Variants in PCNX1 observed in about 807,000 individuals in gnomAD.
PCNX1 encodes pecanex 1, also known as pecanex-like protein 1.
PCNX1 carries 78 observed loss-of-function variants against 242.2 expected under a neutral mutation model. That is an observed-to-expected ratio of 0.32 (90% confidence interval 0.27 to 0.39). The LOEUF is 0.39. Ranked by LOEUF, PCNX1 falls within the 10% of genes least tolerant of loss-of-function variation. The probability of loss-of-function intolerance (pLI) is 1.00; values close to 1 mark genes in which losing one functional copy is unlikely to be tolerated. For missense variants in PCNX1, 2,581 were observed against 2,856.5 expected (o/e 0.90, Z 2.20); for synonymous variants, 1,024 against 1,032.9 (o/e 0.99, Z 0.17).
chr14:71,060,982 A>G (rs4048474), intron 26 of PCNX1, among the ~76,000 whole-genome samples: 55,634 of 151,998 alleles, frequency 0.37, 10,445 homozygotes, highest in East Asian at 0.62. Context: ...GAGTCTGTAA[A>G]TGCTGATGTG....
intron 19 of PCNX1, among the ~76,000 whole-genome samples, chr14:71,043,878 G>T (rs555808160): frequency 6.6e-6 from 1 of 152,176 alleles, no homozygotes; most frequent in East Asian, 1.9e-4. Context: ...TCCTTTGGAG[G>T]TGTTACATTT....
At chr14:71,034,406 C>T (rs1595320361) in intron 18 of PCNX1, among the ~76,000 whole-genome samples, 2 of 152,184 alleles carry the variant, frequency 1.3e-5, no homozygotes, top group East Asian at 3.9e-4. Flanking sequence ...TTGAAAAAAA[C>T]TATGTCTCTG....
chr14:70,994,400 T>TAG (rs1286445755), intron 7 of PCNX1, among the ~76,000 whole-genome samples: 2 of 31,754 alleles, frequency 6.3e-5, no homozygotes, highest in African/African-American at 1.1e-4. Flanking sequence ...GCTTAAGATA[T>TAG]ATATATATAT....
intron 8 of PCNX1, among the ~76,000 whole-genome samples, chr14:70,998,354 T>C (rs1271175591): frequency 6.6e-6 from 1 of 152,174 alleles, no homozygotes; most frequent in Non-Finnish European, 1.5e-5. Context: ...TATTAGTAGC[T>C]TATTAAACAG....
chr14:70,940,073 C>T (rs1248664218), intron 1 of PCNX1, among the ~76,000 whole-genome samples: 1 of 152,148 alleles, frequency 6.6e-6, no homozygotes, highest in Non-Finnish European at 1.5e-5. Context: ...TGGGTCTTGA[C>T]TCTTTATCCA....
intron 30 of PCNX1, chr14:71,093,920 G>T (rs960335544): frequency 6.6e-6 from 1 of 152,056 alleles, no homozygotes; most frequent in Non-Finnish European, 1.5e-5. Context: ...TAAGAATACA[G>T]TATATAATAT....
intron 5 of PCNX1, among the ~76,000 whole-genome samples, chr14:70,975,127 A>G (rs1206328312): frequency 6.6e-6 from 1 of 152,190 alleles, no homozygotes; most frequent in Non-Finnish European, 1.5e-5. Context: ...ATTTTCAACT[A>G]CTTGCTCAGA....
chr14:70,914,976 T>C (rs1289129759), intron 1 of PCNX1, among the ~76,000 whole-genome samples: 1 of 152,150 alleles, frequency 6.6e-6, no homozygotes, highest in African/African-American at 2.4e-5. Context: ...TTTTTTTCAT[T>C]ATAAATTAGG....
At chr14:70,955,947 T>G (rs569444898) in intron 2 of PCNX1, among the ~76,000 whole-genome samples, 5 of 152,202 alleles carry the variant, frequency 3.3e-5, no homozygotes, top group African/African-American at 9.6e-5. Context: ...CACACATTGT[T>G]GTTTGTTGAC....
In PCNX1 at chr14:71,018,935, TC is replaced by T. The variant is rs1019136831; in HGVS notation, c.2997-71del. ...TACCATGAACTTCATATTTATGTCT[TC>T]CCTTCCCTTTTTTCCATTTGGTTAA... On this transcript the variant is annotated intron_variant, in intron 11 of 35. Transcript: ENST00000304743. 11 of 1,262,310 alleles carry T rather than the reference TC, an allele frequency of 8.7e-6. No homozygotes were observed. The Admixed American group carries it at 1.3e-4, about 15-fold the overall frequency. The allele number at this position is 1,262,310 out of a possible 1,614,324, so 78.2% of individuals were successfully genotyped here.
At chr14:71,041,474 A>G (rs1301800912) in intron 19 of PCNX1, among the ~76,000 whole-genome samples, 7 of 152,066 alleles carry the variant, frequency 4.6e-5, no homozygotes, top group Admixed American at 4.6e-4. Context: ...TAGATTTTCC[A>G]ATTTATTCAC....
chr14:71,000,323 C>G (rs2140390955), intron 8 of PCNX1, among the ~76,000 whole-genome samples: 1 of 152,070 alleles, frequency 6.6e-6, no homozygotes, highest in East Asian at 1.9e-4. Context: ...ATTAAGTCAT[C>G]TACAATCTCA....
At chr14:71,065,630 T>C (rs1179610181) in intron 26 of PCNX1, among the ~76,000 whole-genome samples, 1 of 152,172 alleles carries the variant, frequency 6.6e-6, no homozygotes, top group East Asian at 1.9e-4. Flanking sequence ...TTAGATCCCA[T>C]TTGTCTATTT....
At chr14:71,035,376 T>G (rs1001272454) in intron 18 of PCNX1, among the ~76,000 whole-genome samples, 6 of 152,216 alleles carry the variant, frequency 3.9e-5, no homozygotes, top group Non-Finnish European at 7.4e-5. Context: ...GTTGTTCAAT[T>G]TCTTTGGTAT....
chr14:71,059,533 A>G (rs938657075), intron 26 of PCNX1, among the ~76,000 whole-genome samples: 21 of 151,934 alleles, frequency 1.4e-4, no homozygotes, highest in Admixed American at 1.1e-3. Flanking sequence ...ACAGGTGCAC[A>G]CCACCACTCC....
chr14:70,943,482 T>G (rs1446278885), intron 1 of PCNX1, among the ~76,000 whole-genome samples: 1 of 152,204 alleles, frequency 6.6e-6, no homozygotes, highest in Non-Finnish European at 1.5e-5. Context: ...TCTGTGGAAC[T>G]TTGAACTTGA....
chr14:71,019,140 G>C lies in PCNX1; in HGVS notation c.3128G>C (p.Ser1043Thr). The C allele has an allele frequency of 6.2e-7, 1 of 1,610,610 alleles. No homozygotes were observed. Among genetic ancestry groups the C allele is most frequent in the East Asian group, 2.2e-5 (1 of 44,606 alleles). Residue 1043 changes from serine to threonine, a missense_variant, in exon 12 of 36, where the codon AGC (serine) becomes ACC (threonine). By Grantham distance (58) the Ser-to-Thr change is moderately conservative. Coordinates refer to ENST00000304743, the MANE Select transcript of PCNX1 (RefSeq NM_014982.3). ...TTCCAGTTCTGCCTCGTCATAGCCA[G>C]CTGTCAATACTCACTGCTTAAGGTA... ...WVFQFCLVIA[S>T]CQYSLLKSVQ...
At chr14:71,023,298 G>GT in intron 13 of PCNX1, 66 bp downstream of exon 13, 2 of 1,267,924 alleles carry the variant, frequency 1.6e-6, no homozygotes, top group Non-Finnish European at 2.3e-6. Context: ...TTTGTGGTTT[G>GT]TTTTTTGTTT....
chr14:71,057,486 T>A (rs1242360114), intron 25 of PCNX1, 23 bp from the exon 26 acceptor site: 25 of 1,551,160 alleles, frequency 1.6e-5, no homozygotes, highest in Non-Finnish European at 2.2e-5. Context: ...AAATTTAACT[T>A]TTTTTAAAAT....
Sources: allele counts gnomAD v4.1 joint callset (sites outside exome capture counted in the v4.1 genomes callset), GRCh38; gene constraint gnomAD v4.1.1; transcripts MANE v1.5; gene names NCBI Gene and HGNC (gene_info 2026-07-23, HGNC 2026-07-21).